Variants in CRACDL observed in about 807,000 individuals in gnomAD.
CRACDL encodes CRACD-like protein.
A neutral mutation model predicts 70.6 loss-of-function variants in CRACDL; 26 were observed. The observed-to-expected ratio is 0.37, with a 90% CI of 0.27 to 0.51. The LOEUF is 0.51. CRACDL is among the 20% of genes least tolerant of loss of function. CRACDL has a pLI of 0.94. For missense variants in CRACDL, 1,283 were observed against 1,376.9 expected (o/e 0.93, Z 1.08); for synonymous variants, 618 against 615.2 (o/e 1.00, Z -0.07).
intron 7 of CRACDL, among the ~76,000 whole-genome samples, chr2:98,818,161 C>A (rs987323580): frequency 6.6e-6 from 1 of 152,186 alleles, no homozygotes; most frequent in African/African-American, 2.4e-5. Flanking sequence ...AACCCTGGGC[C>A]ATTTACTTCC....
At chr2:98,891,655 T>G (rs1707984821) in intron 1 of CRACDL, among the ~76,000 whole-genome samples, 1 of 152,146 alleles carries the variant, frequency 6.6e-6, no homozygotes, top group African/African-American at 2.4e-5. Flanking sequence ...TCTTTCTTAT[T>G]TGGTCAAGTT....
chr2:98,795,077 A>ATATATATATTTTT, intron 9 of CRACDL, among the ~76,000 whole-genome samples: 4 of 58,496 alleles, frequency 6.8e-5, no homozygotes, highest in African/African-American at 2.6e-4. Flanking sequence ...ATATATATAT[A>ATATATATATTTTT]TTTTTTTTTT....
chr2:98,811,503 C>A (rs1261828734), intron 7 of CRACDL, among the ~76,000 whole-genome samples: 1 of 117,818 alleles, frequency 8.5e-6, no homozygotes, highest in East Asian at 2.4e-4. Flanking sequence ...GGTGACAGAG[C>A]GAGACTCTGT....
In CRACDL at chr2:98,886,532, G is replaced by A. The variant is rs115172787; in HGVS notation, c.-10-39722C>T. The stretch of plus-strand genomic sequence containing the variant: ...TTGAGATTCTGCACAAATAGGAAGA[G>A]AGGGTTTAGACAGAGTCATCAACTG... On this transcript the variant is annotated intron_variant, in intron 1 of 9. Coordinates refer to ENST00000397899, the MANE Select transcript of CRACDL (RefSeq NM_207362.3). Among the ~76,000 whole-genome samples the A allele has an allele frequency of 7.0e-4, 107 of 152,358 alleles. 1 individual carries two copies. Among genetic ancestry groups the A allele is most frequent in the African/African-American group, 2.4e-3 (100 of 41,582 alleles).
chr2:98,797,579 C>T, intron 7 of CRACDL, 42 bp from the exon 8 acceptor site: 1 of 1,587,592 alleles, frequency 6.3e-7, no homozygotes, highest in Middle Eastern at 1.7e-4. Context: ...AGTCCTATTC[C>T]CTCTTCGGTT....
chr2:98,865,934 G>C (rs1247878953), intron 1 of CRACDL, among the ~76,000 whole-genome samples: 2 of 151,530 alleles, frequency 1.3e-5, no homozygotes, highest in African/African-American at 4.9e-5. Flanking sequence ...CTGGGCAGCT[G>C]GGATTACAGG....
At chr2:98,874,640 G>A (rs1211884211) in intron 1 of CRACDL, among the ~76,000 whole-genome samples, 1 of 152,208 alleles carries the variant, frequency 6.6e-6, no homozygotes, top group Non-Finnish European at 1.5e-5. Context: ...GGAACAACAA[G>A]GGACTGCAGA....
At chr2:98,897,247 G>T in intron 1 of CRACDL, 1 of 412,020 alleles carries the variant, frequency 2.4e-6, no homozygotes, top group Non-Finnish European at 4.5e-6. Flanking sequence ...CACAAAGTGT[G>T]ATGCTTTTGA....
At chr2:98,862,048 A>G (rs1356183208) in intron 1 of CRACDL, among the ~76,000 whole-genome samples, 1 of 152,088 alleles carries the variant, frequency 6.6e-6, no homozygotes, top group African/African-American at 2.4e-5. Flanking sequence ...TGCAGATTTA[A>G]TGGGCTGGTA....
intron 1 of CRACDL, chr2:98,897,591 A>G (rs887291696): frequency 3.8e-6 from 1 of 265,770 alleles, no homozygotes; most frequent in East Asian, 8.8e-5. Context: ...AAGGAGAAAA[A>G]TTAACCTTTA....
At chr2:98,891,917 A>G (rs760111224) in intron 1 of CRACDL, among the ~76,000 whole-genome samples, 10 of 152,214 alleles carry the variant, frequency 6.6e-5, no homozygotes, top group Admixed American at 3.9e-4. Flanking sequence ...TAAAAATTCA[A>G]TTGAAAAGTA....
chr2:98,886,880 T>A (rs951499124), intron 1 of CRACDL, among the ~76,000 whole-genome samples: 3 of 152,156 alleles, frequency 2.0e-5, no homozygotes, highest in Non-Finnish European at 2.9e-5. Context: ...GAAAATATGG[T>A]CCACATATAG....
intron 1 of CRACDL, among the ~76,000 whole-genome samples, chr2:98,902,029 G>T (rs1007058678): frequency 3.9e-5 from 6 of 151,940 alleles, no homozygotes; most frequent in African/African-American, 1.5e-4. Context: ...CCCATGCCAG[G>T]ACAGTCAGAA....
intron 1 of CRACDL, among the ~76,000 whole-genome samples, chr2:98,850,232 G>A (rs1406839204): frequency 1.8e-4 from 28 of 152,332 alleles, no homozygotes; most frequent in Admixed American, 4.6e-4. Flanking sequence ...GGTAAGTGAT[G>A]AAAACACGTT....
At chr2:98,915,363 G>A (rs1708640039) in intron 1 of CRACDL, among the ~76,000 whole-genome samples, 1 of 152,236 alleles carries the variant, frequency 6.6e-6, no homozygotes, top group Non-Finnish European at 1.5e-5. Flanking sequence ...TTCTGAGTGT[G>A]TGGGAGGCAC....
chr2:98,926,744 C>T (rs74329987), intron 1 of CRACDL, among the ~76,000 whole-genome samples: 5,769 of 152,240 alleles, frequency 0.038, 366 homozygotes, highest in African/African-American at 0.13. Flanking sequence ...AAACCGAATG[C>T]GAATCAATTA....
intron 1 of CRACDL, among the ~76,000 whole-genome samples, chr2:98,851,736 G>A (rs1326774888): frequency 6.6e-6 from 1 of 152,104 alleles, no homozygotes; most frequent in Non-Finnish European, 1.5e-5. Flanking sequence ...CTAAACTCCA[G>A]AAAAATATCC....
chr2:98,889,843 C>G (rs2104633293), intron 1 of CRACDL, among the ~76,000 whole-genome samples: 1 of 152,242 alleles, frequency 6.6e-6, no homozygotes, highest in East Asian at 1.9e-4. Flanking sequence ...TGTTAGAAAT[C>G]ACTAACAAAA....
intron 1 of CRACDL, among the ~76,000 whole-genome samples, chr2:98,877,482 A>G (rs1251554023): frequency 1.3e-5 from 2 of 152,214 alleles, no homozygotes; most frequent in African/African-American, 4.8e-5. Flanking sequence ...TTGGTGGCTC[A>G]TGCCTGTAAT....
Sources: allele counts gnomAD v4.1 joint callset (sites outside exome capture counted in the v4.1 genomes callset), GRCh38; gene constraint gnomAD v4.1.1; transcripts MANE v1.5; gene names NCBI Gene and HGNC (gene_info 2026-07-23, HGNC 2026-07-21).